Variants in SYBU observed in about 807,000 individuals in gnomAD.
The protein encoded by SYBU is syntabulin, also known as GOLSYN A protein.
Under a neutral mutation model 35.9 loss-of-function variants are expected in SYBU, and 21 were observed. The observed-to-expected ratio is 0.58, with a 90% CI of 0.41 to 0.84. The LOEUF is 0.84. SYBU is among the 40% of genes least tolerant of loss of function. SYBU has a pLI of 0.00. For synonymous variants in SYBU, 319 were observed against 324.3 expected, an observed-to-expected ratio of 0.98 and a Z score of 0.18; for missense variants, 768 against 848.2, an observed-to-expected ratio of 0.91 and a Z score of 1.17.
chr8:109,594,357 C>T (rs1452572463), intron 3 of SYBU, among the ~76,000 whole-genome samples: 1 of 152,080 alleles, frequency 6.6e-6, no homozygotes, highest in East Asian at 1.9e-4. Context: ...GGAGTCACCT[C>T]ATTCTCCACT....
At chr8:109,579,752 C>T in intron 5 of SYBU, 47 bp downstream of exon 5, 1 of 1,533,050 alleles carries the variant, frequency 6.5e-7, no homozygotes, top group South Asian at 1.2e-5. Context: ...GAAAAGCTTA[C>T]CAAGTAGGAC....
At chr8:109,596,867 A>G (rs928505337) in intron 3 of SYBU, among the ~76,000 whole-genome samples, 11 of 152,228 alleles carry the variant, frequency 7.2e-5, no homozygotes, top group African/African-American at 2.7e-4. Flanking sequence ...TCTACTCTTA[A>G]TAATGTATTC....
At chr8:109,590,661 T>G (rs1346824347) in intron 3 of SYBU, among the ~76,000 whole-genome samples, 1 of 151,616 alleles carries the variant, frequency 6.6e-6, no homozygotes, top group Non-Finnish European at 1.5e-5. Flanking sequence ...ATGAAACTGC[T>G]TATGGGAAAA....
chr8:109,630,976 T>G (rs1813558951), intron 2 of SYBU, among the ~76,000 whole-genome samples: 1 of 152,116 alleles, frequency 6.6e-6, no homozygotes, highest in Admixed American at 6.5e-5. Flanking sequence ...AGGAAAATCT[T>G]TCCTAGGAGT....
chr8:109,616,138 AGTAGCT>A (rs1030817696), intron 3 of SYBU, among the ~76,000 whole-genome samples: 3 of 149,288 alleles, frequency 2.0e-5, no homozygotes, highest in Non-Finnish European at 3.0e-5. Context: ...CAGCCTCCTG[AGTAGCT>A]GGGATTACAG....
At chr8:109,628,808 T>C (rs1180545133) in intron 2 of SYBU, among the ~76,000 whole-genome samples, 1 of 150,284 alleles carries the variant, frequency 6.7e-6, no homozygotes, top group African/African-American at 2.5e-5. Flanking sequence ...GGTGACAGAG[T>C]GACATCCGTC....
At chr8:109,681,298 G>A (rs1248494194), upstream of SYBU, among the ~76,000 whole-genome samples, 1 of 152,180 alleles carries the variant, frequency 6.6e-6, no homozygotes, top group East Asian at 1.9e-4. Flanking sequence ...TACCTTAGGG[G>A]AGTGAAATAT....
intron 3 of SYBU, among the ~76,000 whole-genome samples, chr8:109,596,771 T>C (rs1041150696): frequency 1.3e-5 from 2 of 152,328 alleles, no homozygotes; most frequent in African/African-American, 4.8e-5. Context: ...GTTGACTTTA[T>C]TCCAGTTACT....
chr8:109,592,096 A>C (rs1824345848), intron 3 of SYBU, among the ~76,000 whole-genome samples: 1 of 152,152 alleles, frequency 6.6e-6, no homozygotes, highest in Non-Finnish European at 1.5e-5. Context: ...GCAAGCCCTT[A>C]ATAGTACCAG....
At chr8:109,591,115 G>C (rs1260255064) in intron 3 of SYBU, among the ~76,000 whole-genome samples, 3 of 152,212 alleles carry the variant, frequency 2.0e-5, no homozygotes, top group African/African-American at 7.2e-5. Context: ...TATAGCAGCA[G>C]CCTAAGAGAA....
At chr8:109,645,924 G>A, upstream of SYBU, 1 of 153,400 alleles carries the variant, frequency 6.5e-6, no homozygotes, top group Non-Finnish European at 1.5e-5. Flanking sequence ...AAAACAAACA[G>A]CTCTATCCAG....
chr8:109,680,491 G>A (rs959042428), intron 1 of SYBU, among the ~76,000 whole-genome samples: 1 of 152,234 alleles, frequency 6.6e-6, no homozygotes. Flanking sequence ...CAGTCAGACT[G>A]TACAAATTCT....
chr8:109,669,637 T>C (rs1264222172), intron 1 of SYBU, among the ~76,000 whole-genome samples: 1 of 152,202 alleles, frequency 6.6e-6, no homozygotes, highest in Non-Finnish European at 1.5e-5. Context: ...ATTCTTTCCT[T>C]TCCCCACGTC....
chr8:109,680,002 C>T (rs186661625), intron 1 of SYBU, among the ~76,000 whole-genome samples: 2 of 151,802 alleles, frequency 1.3e-5, no homozygotes, highest in East Asian at 1.9e-4. Context: ...TAATACAACA[C>T]ATTTACTTAA....
At chr8:109,582,907 C>T (rs1372323249) in intron 4 of SYBU, among the ~76,000 whole-genome samples, 1 of 152,162 alleles carries the variant, frequency 6.6e-6, no homozygotes, top group African/African-American at 2.4e-5. Flanking sequence ...ATGGCCACTA[C>T]AAGCCAAGGA....
intron 3 of SYBU, chr8:109,603,511 C>T (rs1279675637): frequency 2.2e-6 from 1 of 463,840 alleles, no homozygotes; most frequent in Admixed American, 6.4e-5. Context: ...CCCCACCCCC[C>T]TACACAAGTT....
At chr8:109,656,215 C>G (rs1036367701) in intron 1 of SYBU, among the ~76,000 whole-genome samples, 1 of 152,116 alleles carries the variant, frequency 6.6e-6, no homozygotes, top group Non-Finnish European at 1.5e-5. Context: ...TACTGCAAAC[C>G]TGCTTTAAAT....
At chr8:109,576,749 G>T (rs1011174462) in intron 6 of SYBU, among the ~76,000 whole-genome samples, 2 of 152,010 alleles carry the variant, frequency 1.3e-5, no homozygotes, top group African/African-American at 4.8e-5. Flanking sequence ...CCTATTTCAA[G>T]ATCTTTGTAT....
intron 1 of SYBU, among the ~76,000 whole-genome samples, chr8:109,655,249 G>A (rs1816307897): frequency 6.6e-6 from 1 of 152,176 alleles, no homozygotes; most frequent in Non-Finnish European, 1.5e-5. Context: ...TATATTCACT[G>A]GATAATTTGA....
Sources: allele counts gnomAD v4.1 joint callset (sites outside exome capture counted in the v4.1 genomes callset), GRCh38; gene constraint gnomAD v4.1.1; transcripts MANE v1.5; gene names NCBI Gene and HGNC (gene_info 2026-07-23, HGNC 2026-07-21).